REST: variants seen among roughly 807,000 people sequenced by gnomAD.
REST encodes RE1 silencing transcription factor.
Under a neutral mutation model 30.4 loss-of-function variants are expected in REST, and 1 was observed. The ratio of observed to expected loss-of-function variants is 0.03; its 90% CI spans 0.01 to 0.16. The LOEUF (loss-of-function observed/expected upper bound fraction) is 0.16, where lower values mean the gene tolerates loss of function less well. Among genes scored for constraint, REST ranks in the 10% least tolerant of loss-of-function variants. REST has a pLI of 1.00. For missense variants in REST, 1,259 were observed against 1,329.5 expected (o/e 0.95, Z 0.82); for synonymous variants, 504 against 451.1 (o/e 1.12, Z -1.49).
intron 2 of REST, among the ~76,000 whole-genome samples, chr4:56,912,339 CTTT>C (rs11318390): frequency 6.0e-4 from 68 of 112,670 alleles, no homozygotes; most frequent in Admixed American, 1.5e-3. Flanking sequence ...AAAGTTGAAA[CTTT>C]TTTTTTTTTT....
Position 56,924,956 on chromosome 4 carries a change from A to G in REST, c.983-4885A>G, listed in dbSNP as rs542029598. ...CATGGTGAGCGGATCATCGGAGGTC[A>G]GAAGTTCAAGACCAGGCTGGCCAAC... On this transcript the variant is annotated intron_variant, in intron 3 of 3. Coordinates refer to ENST00000309042, the MANE Select transcript of REST (RefSeq NM_005612.5). 2.6e-5 allele frequency among the ~76,000 whole-genome samples: 4 copies of G among 152,174 alleles called. No individual in the cohort carries two copies. The South Asian group carries it at 6.2e-4, about 24-fold the overall frequency.
Position 56,932,025 on chromosome 4 carries a change from C to A in REST, c.3167C>A (p.Ala1056Asp), listed in dbSNP as rs1295869249. ...NAKEALAVKA[A>D]KGDFVCIFCD... The stretch of plus-strand genomic sequence containing the variant: ...AAGGAAGCCTTGGCAGTCAAAGCGG[C>A]TAAGGGAGATTTTGTTTGTATCTTC... The change falls in exon 4 of 4, where the codon GCT becomes GAT. Residue 1056 changes from alanine (A) to aspartate (D), a missense_variant. Ala to Asp is a moderately radical substitution (Grantham distance 126, BLOSUM62 -2). Coordinates refer to ENST00000309042, the MANE Select transcript of REST (RefSeq NM_005612.5). The A allele has an allele frequency of 6.2e-7, 1 of 1,614,166 alleles. No individual in the cohort carries two copies. The highest frequency in any genetic ancestry group is 8.5e-7 in the Non-Finnish European group (1 of 1,180,048).
intron 2 of REST, among the ~76,000 whole-genome samples, chr4:56,914,798 C>T (rs895345242): frequency 6.6e-6 from 1 of 152,060 alleles, no homozygotes; most frequent in Admixed American, 6.6e-5. Flanking sequence ...AGGTCGTCTG[C>T]CCACCTCAGC....
intron 3 of REST, among the ~76,000 whole-genome samples, chr4:56,924,656 C>T (rs1720601893): frequency 6.6e-6 from 1 of 150,864 alleles, no homozygotes; most frequent in Non-Finnish European, 1.5e-5. Context: ...GAGATGGAGT[C>T]TTACTATGTT....
intron 3 of REST, among the ~76,000 whole-genome samples, chr4:56,928,411 A>G (rs1720805766): frequency 6.6e-6 from 1 of 151,698 alleles, no homozygotes; most frequent in Admixed American, 6.6e-5. Context: ...CTGGCTGGGA[A>G]TTTTATTTAT....
intron 3 of REST, among the ~76,000 whole-genome samples, chr4:56,926,333 A>G (rs772646553): frequency 4.7e-4 from 71 of 151,912 alleles, no homozygotes; most frequent in Non-Finnish European, 8.7e-4. Flanking sequence ...TCGGCTTCCC[A>G]AAGTGCTGGG....
intron 3 of REST, chr4:56,927,736 T>A: frequency 1.7e-6 from 1 of 595,140 alleles, no homozygotes; most frequent in South Asian, 1.9e-5. Flanking sequence ...TTTTTATGTA[T>A]CAGTGATTGT....
chr4:56,917,542 T>G (rs1351122755), intron 2 of REST, among the ~76,000 whole-genome samples: 1 of 152,200 alleles, frequency 6.6e-6, no homozygotes, highest in Non-Finnish European at 1.5e-5. Flanking sequence ...TGTTTCTGTC[T>G]TAGACAAAAT....
intron 3 of REST, 146 bp from the exon 4 acceptor site, chr4:56,929,695 T>C (rs1720877408): frequency 1.6e-6 from 1 of 619,226 alleles, no homozygotes; most frequent in African/African-American, 1.9e-5. Flanking sequence ...AGAGAAATGT[T>C]ATACAAATAA....
At position 56,932,271 on chromosome 4, in the gene REST, A is replaced by C. The variant is rs972824793; in HGVS notation, c.*119A>C. 2.2e-5 allele frequency: 25 copies of C among 1,148,092 alleles called. No individual in the cohort carries two copies. The highest frequency in any genetic ancestry group is 3.0e-5 in the Non-Finnish European group (25 of 824,784). 71.1% of individuals were successfully genotyped at this position (1,148,092 alleles called of 1,614,324 possible). A position where few individuals can be genotyped will look rare whatever the true frequency, so the allele number is the denominator to read the frequency against. On this transcript the variant is annotated 3_prime_UTR_variant, in exon 4 of 4. Transcript: ENST00000309042. ...AATTAGTATCTGATGTTGATTTTTA[A>C]GTGGCATTCTTTTCCTTAGGACTTT... is the stretch of plus-strand genomic sequence containing the variant.
At position 56,931,684 on chromosome 4, in the gene REST, T is replaced by C. The variant is rs774100273; in HGVS notation, c.2826T>C (p.Ser942=). The C allele has an allele frequency of 1.9e-5, 30 of 1,614,012 alleles. No individual in the cohort carries two copies. The highest frequency in any genetic ancestry group is 8.3e-5 in the Admixed American group (5 of 60,006). ...TAAATGGTAAACATCAGACTGACAGTATAGTTTGTGAAATGAAAATGGACA... is the reference window on the plus strand; with the variant it reads ...TAAATGGTAAACATCAGACTGACAGCATAGTTTGTGAAATGAAAATGGACA... The part of the protein sequence containing the change: ...ETLNGKHQTD[S]IVCEMKMDTD... The change falls in exon 4 of 4, where the codon AGT becomes AGC. Residue 942 remains serine (S), a synonymous_variant. Transcript: ENST00000309042.
At chr4:56,914,886 C>T (rs1309428440) in intron 2 of REST, among the ~76,000 whole-genome samples, 5 of 150,600 alleles carry the variant, frequency 3.3e-5, no homozygotes, top group African/African-American at 1.2e-4. Context: ...TATTTTTCCC[C>T]AGTATTACCT....
chr4:56,929,170 C>G (rs1720850427), intron 3 of REST, among the ~76,000 whole-genome samples: 1 of 151,364 alleles, frequency 6.6e-6, no homozygotes. Context: ...TGGGTTAAAG[C>G]AATTCTCGTG....
Position 56,930,988 on chromosome 4 carries a change from G to A in REST, c.2130G>A (p.Gln710=). The change falls in exon 4 of 4, where the codon CAG becomes CAA. Residue 710 remains glutamine (Q), a synonymous_variant. Coordinates refer to ENST00000309042, the MANE Select transcript of REST (RefSeq NM_005612.5). ...GGCCTGCTCCCATGGAACCTGCTCA[G>A]ATGGAGGTTGCCCAGGTAGAATCTG... is the stretch of plus-strand genomic sequence containing the variant. The part of the protein sequence containing the change: ...QMGPAPMEPA[Q]MEVAQVESAP... 1 of 1,614,268 alleles carries A rather than the reference G, an allele frequency of 6.2e-7. No homozygotes were observed. The highest frequency in any genetic ancestry group is 1.3e-5 in the African/African-American group (1 of 75,074).
At position 56,933,960 on chromosome 4, in the gene REST, A is replaced by C. The variant is rs1480470065; in HGVS notation, c.*1808A>C. The C allele has an allele frequency of 6.6e-6, 1 of 152,230 alleles. No individual in the cohort carries two copies. The highest frequency in any genetic ancestry group is 1.5e-5 in the Non-Finnish European group (1 of 68,044). The allele number at this position is 152,230 out of a possible 1,614,324, so 9.4% of individuals were successfully genotyped here. ...TAACGTGTGGGTGGAAAGCTTGTTA[A>C]AAATCTGAGAGTGAAGTTTGAGTTA... On this transcript the variant is annotated 3_prime_UTR_variant, in exon 4 of 4. Transcript: ENST00000309042.
intron 3 of REST, among the ~76,000 whole-genome samples, chr4:56,926,069 CGATT>C (rs1298928390): frequency 6.6e-6 from 1 of 152,046 alleles, no homozygotes; most frequent in African/African-American, 2.4e-5. Flanking sequence ...CTTGATTGAT[CGATT>C]GATTGAGATG....
intron 2 of REST, among the ~76,000 whole-genome samples, chr4:56,919,434 A>G (rs1363364508): frequency 1.3e-5 from 2 of 152,174 alleles, no homozygotes; most frequent in Non-Finnish European, 2.9e-5. Context: ...TAGATTTTTT[A>G]AAAGGTGATT....
chr4:56,921,230 C>T (rs1297011723), intron 3 of REST, among the ~76,000 whole-genome samples: 1 of 152,108 alleles, frequency 6.6e-6, no homozygotes, highest in Admixed American at 6.6e-5. Context: ...TATCTTAAAT[C>T]TTGCTGTTAC....
chr4:56,932,271 A>G lies in REST; in HGVS notation c.*119A>G. 2 of 1,148,210 alleles carry G rather than the reference A, an allele frequency of 1.7e-6. No homozygotes were observed. Among genetic ancestry groups the G allele is most frequent in the South Asian group, 1.6e-5 (1 of 62,456 alleles). The allele number at this position is 1,148,210 out of a possible 1,614,324, so 71.1% of individuals were successfully genotyped here. A position where few individuals can be genotyped will look rare whatever the true frequency, so the allele number is the denominator to read the frequency against. ...AATTAGTATCTGATGTTGATTTTTA[A>G]GTGGCATTCTTTTCCTTAGGACTTT... On this transcript the variant is annotated 3_prime_UTR_variant, in exon 4 of 4. Transcript: ENST00000309042.
Sources: allele counts gnomAD v4.1 joint callset (sites outside exome capture counted in the v4.1 genomes callset), GRCh38; gene constraint gnomAD v4.1.1; transcripts MANE v1.5; gene names NCBI Gene and HGNC (gene_info 2026-07-23, HGNC 2026-07-21).